The following HNRNPC variants were observed in gnomAD, a reference collection of about 807,000 sequenced individuals.
The protein encoded by HNRNPC is heterogeneous nuclear ribonucleoproteins C1/C2.
HNRNPC carries 3 observed loss-of-function variants against 33.2 expected under a neutral mutation model. That is an observed-to-expected ratio of 0.09 (90% CI 0.04 to 0.23). HNRNPC has a LOEUF of 0.23. Ranked by LOEUF, HNRNPC falls within the 10% of genes least tolerant of loss-of-function variation. The pLI is 1.00. For missense variants in HNRNPC, 143 were observed against 366.7 expected (o/e 0.39, Z 4.98); for synonymous variants, 121 against 126.7 (o/e 0.96, Z 0.30).
chr14:21,218,681 CAAAAAAAAAAA>C lies in HNRNPC; in HGVS notation c.366-5575_366-5565del, dbSNP rs71112557. ...TGGGAGACAAAGCGAAACTCTCTCT[CAAAAAAAAAAA>C]AAAAAAAAAAAAAAAACTGAAATTG... On this transcript the variant is annotated intron_variant, in intron 5 of 8. Coordinates refer to ENST00000553300, the MANE Select transcript of HNRNPC (RefSeq NM_004500.4). Among the ~76,000 whole-genome samples the C allele has an allele frequency of 6.3e-3, 325 of 51,262 alleles. 5 individuals carry two copies. Among genetic ancestry groups the C allele is most frequent in the Non-Finnish European group, 6.3e-3 (198 of 31,544 alleles). 33.6% of individuals were successfully genotyped at this position (51,262 alleles called of 152,430 possible). A position where few individuals can be genotyped will look rare whatever the true frequency, so the allele number is the denominator to read the frequency against.
chr14:21,213,544 G>A (rs996537922), intron 5 of HNRNPC: 1 of 159,944 alleles, frequency 6.3e-6, no homozygotes, highest in East Asian at 1.8e-4. Context: ...CAATTAAAAG[G>A]GTATATAAAC....
chr14:21,209,244 G>A lies in HNRNPC; in HGVS notation c.*1979C>T, dbSNP rs1891395294. On this transcript the variant is annotated 3_prime_UTR_variant, in exon 9 of 9. Coordinates refer to ENST00000553300, the MANE Select transcript of HNRNPC (RefSeq NM_004500.4). The stretch of plus-strand genomic sequence containing the variant: ...AAATACTATGCCATTTTATGTAAGG[G>A]ACTTGAACATCTGCAGATTGTGGTG... 6.6e-6 allele frequency: 1 copy of A among 152,170 alleles called. No homozygotes were observed. Among genetic ancestry groups the A allele is most frequent in the African/African-American group, 2.4e-5 (1 of 41,438 alleles). The allele number at this position is 152,170 out of a possible 1,614,324, so 9.4% of individuals were successfully genotyped here.
chr14:21,225,400 C>T (rs1167910713), intron 5 of HNRNPC, among the ~76,000 whole-genome samples: 1 of 151,636 alleles, frequency 6.6e-6, no homozygotes, highest in South Asian at 2.1e-4. Flanking sequence ...CCACTGCACT[C>T]CAGCCTGGGC....
At chr14:21,236,430 G>A (rs902528223) in intron 2 of HNRNPC, 4 of 152,074 alleles carry the variant, frequency 2.6e-5, no homozygotes, top group African/African-American at 7.2e-5. Flanking sequence ...CTCACAATAC[G>A]GATTAATTCC....
intron 5 of HNRNPC, among the ~76,000 whole-genome samples, chr14:21,225,410 C>A (rs976984447): frequency 6.7e-6 from 1 of 148,570 alleles, no homozygotes; most frequent in South Asian, 2.1e-4. Context: ...CCAGCCTGGG[C>A]AATAGAGCAA....
At chr14:21,245,511 T>C (rs561716557) in intron 2 of HNRNPC, among the ~76,000 whole-genome samples, 1 of 147,402 alleles carries the variant, frequency 6.8e-6, no homozygotes. Flanking sequence ...AATATATATA[T>C]ATTTCAAAAA....
chr14:21,255,630 G>C (rs1024078722), intron 2 of HNRNPC, among the ~76,000 whole-genome samples: 2 of 152,144 alleles, frequency 1.3e-5, no homozygotes, highest in Non-Finnish European at 2.9e-5. Flanking sequence ...ACATTTTTAA[G>C]CTTTTTAATT....
chr14:21,257,619 CTT>C (rs1020721399), intron 2 of HNRNPC, among the ~76,000 whole-genome samples: 3 of 151,914 alleles, frequency 2.0e-5, no homozygotes, highest in African/African-American at 4.8e-5. Context: ...GGGTCTCACT[CTT>C]GTCACCCAGG....
intron 2 of HNRNPC, among the ~76,000 whole-genome samples, chr14:21,252,678 A>C (rs1288305099): frequency 1.3e-5 from 2 of 152,188 alleles, no homozygotes; most frequent in African/African-American, 4.8e-5. Context: ...ATTGTGGTTA[A>C]GTCCTAATTC....
intron 2 of HNRNPC, among the ~76,000 whole-genome samples, chr14:21,252,292 C>A (rs1247038260): frequency 6.6e-6 from 1 of 152,164 alleles, no homozygotes; most frequent in Admixed American, 6.5e-5. Flanking sequence ...ACTTCTGATA[C>A]TAAATGGACT....
intron 2 of HNRNPC, among the ~76,000 whole-genome samples, chr14:21,254,271 A>T (rs1876734923): frequency 6.6e-6 from 1 of 152,166 alleles, no homozygotes; most frequent in Admixed American, 6.5e-5. Flanking sequence ...GTACAAGTAT[A>T]CAATGTACCA....
chr14:21,258,014 A>T (rs1877519330), intron 2 of HNRNPC, among the ~76,000 whole-genome samples: 1 of 152,206 alleles, frequency 6.6e-6, no homozygotes, highest in South Asian at 2.1e-4. Flanking sequence ...CAAGGGCAAA[A>T]ATATAAACAT....
chr14:21,231,274 C>T (rs1894080460), intron 3 of HNRNPC: 14 of 668,734 alleles, frequency 2.1e-5, no homozygotes, highest in Non-Finnish European at 3.0e-5. Context: ...ACTGTCACTA[C>T]AGGCGGGCAC....
intron 2 of HNRNPC, among the ~76,000 whole-genome samples, chr14:21,238,635 A>C (rs1389197910): frequency 6.6e-6 from 1 of 152,168 alleles, no homozygotes; most frequent in Non-Finnish European, 1.5e-5. Flanking sequence ...ATGCACCTGT[A>C]TATACTCAAA....
At chr14:21,233,208 A>G (rs1446523575) in intron 3 of HNRNPC, among the ~76,000 whole-genome samples, 1 of 152,204 alleles carries the variant, frequency 6.6e-6, no homozygotes, top group Non-Finnish European at 1.5e-5. Flanking sequence ...TAAGATGTAA[A>G]AACAATGAAA....
intron 2 of HNRNPC, chr14:21,236,530 T>C (rs922706698): frequency 6.6e-6 from 1 of 152,142 alleles, no homozygotes; most frequent in Non-Finnish European, 1.5e-5. Flanking sequence ...ATGTGCTGAG[T>C]ACCACATTTC....
At chr14:21,246,287 C>A (rs779219844) in intron 2 of HNRNPC, among the ~76,000 whole-genome samples, 1 of 152,092 alleles carries the variant, frequency 6.6e-6, no homozygotes, top group Non-Finnish European at 1.5e-5. Flanking sequence ...AGGCTGGGCG[C>A]GGTGGCTCAT....
At chr14:21,255,601 G>A (rs1352358465) in intron 2 of HNRNPC, among the ~76,000 whole-genome samples, 1 of 152,140 alleles carries the variant, frequency 6.6e-6, no homozygotes, top group East Asian at 1.9e-4. Flanking sequence ...TGCCCACACA[G>A]AATCACAAGA....
At chr14:21,239,401 A>G (rs1336139529) in intron 2 of HNRNPC, among the ~76,000 whole-genome samples, 2 of 151,592 alleles carry the variant, frequency 1.3e-5, no homozygotes, top group Admixed American at 1.3e-4. Flanking sequence ...AAATGCTTGA[A>G]CCTTGGAGGC....
Sources: gnomAD v4.1 joint callset for allele counts (sites outside exome capture counted in the v4.1 genomes callset) on GRCh38, gnomAD v4.1.1 for gene constraint, MANE v1.5 for transcripts, NCBI Gene and HGNC (gene_info 2026-07-23, HGNC 2026-07-21) for gene names.